The following MGAT4C variants were observed in gnomAD, a reference collection of about 807,000 sequenced individuals.
The protein encoded by MGAT4C is alpha-1,3-mannosyl-glycoprotein 4-beta-N-acetylglucosaminyltransferase C.
MGAT4C carries 19 observed loss-of-function variants against 40.1 expected under a neutral mutation model. The ratio of observed to expected loss-of-function variants is 0.47; its 90% CI spans 0.33 to 0.70. MGAT4C has a LOEUF of 0.70. MGAT4C is among the 30% of genes least tolerant of loss of function. MGAT4C has a pLI of 0.02. For synonymous variants in MGAT4C, 181 were observed against 187.1 expected, an observed-to-expected ratio of 0.97 and a Z score of 0.27; for missense variants, 491 against 563.2, an observed-to-expected ratio of 0.87 and a Z score of 1.30.
chr12:86,417,416 G>A (rs1956740551), intron 3 of MGAT4C, among the ~76,000 whole-genome samples: 1 of 152,012 alleles, frequency 6.6e-6, no homozygotes, highest in Admixed American at 6.6e-5. Context: ...CTGCTTAAAT[G>A]TTGAAAAATC....
At chr12:86,133,969 C>T (rs543228323) in intron 1 of MGAT4C, among the ~76,000 whole-genome samples, 3 of 152,070 alleles carry the variant, frequency 2.0e-5, no homozygotes, top group African/African-American at 4.8e-5. Flanking sequence ...CCTAATTTTA[C>T]GTCACTATAA....
upstream of MGAT4C, among the ~76,000 whole-genome samples, chr12:86,261,331 A>C (rs1328120149): frequency 6.6e-6 from 1 of 152,148 alleles, no homozygotes; most frequent in African/African-American, 2.4e-5. Context: ...GCTATGATGC[A>C]AACATGAATA....
chr12:86,660,223 G>T (rs1231650386), intron 2 of MGAT4C, among the ~76,000 whole-genome samples: 1 of 152,106 alleles, frequency 6.6e-6, no homozygotes, highest in African/African-American at 2.4e-5. Flanking sequence ...CATTAACAAA[G>T]TAGATTGACG....
intron 2 of MGAT4C, among the ~76,000 whole-genome samples, chr12:86,628,677 T>A (rs1298392386): frequency 1.3e-5 from 2 of 152,042 alleles, no homozygotes; most frequent in African/African-American, 4.8e-5. Context: ...AATAAAATCC[T>A]TTACAGACAA....
At position 86,103,849 on chromosome 12, in the gene MGAT4C, A is replaced by G. The variant is rs560738277; in HGVS notation, c.-56-54126T>C. Among the ~76,000 whole-genome samples, 3 of 152,222 alleles carry G rather than the reference A, an allele frequency of 2.0e-5. No homozygotes were observed. In the East Asian group the frequency reaches 5.8e-4, roughly 29 times the overall value. ...AAGATTCTTACATTATTCATCTTTCATTTATTGTTGCATCTCTAGAAGTTA... is the reference window on the plus strand; with the variant it reads ...AAGATTCTTACATTATTCATCTTTCGTTTATTGTTGCATCTCTAGAAGTTA... On this transcript the variant is annotated intron_variant, in intron 1 of 4. Transcript: ENST00000611864.
intron 1 of MGAT4C, among the ~76,000 whole-genome samples, chr12:86,806,938 T>C (rs755988554): frequency 5.8e-4 from 88 of 151,814 alleles, no homozygotes; most frequent in Non-Finnish European, 1.0e-3. Flanking sequence ...CATACCAACA[T>C]GGCACACGTA....
At chr12:86,437,061 G>C (rs1484952307) in intron 2 of MGAT4C, among the ~76,000 whole-genome samples, 1 of 151,578 alleles carries the variant, frequency 6.6e-6, no homozygotes, top group East Asian at 1.9e-4. Flanking sequence ...GAAAATTTTA[G>C]TGGCAGTGAG....
intron 2 of MGAT4C, among the ~76,000 whole-genome samples, chr12:86,597,303 T>C (rs1197216470): frequency 6.6e-6 from 1 of 152,122 alleles, no homozygotes; most frequent in Admixed American, 6.5e-5. Flanking sequence ...ATTCCCACCA[T>C]ATTAGCTCTT....
rs73387811 is a variant in MGAT4C at position 86,421,364 on chromosome 12, A to G, written c.-120+13793T>C. Among the ~76,000 whole-genome samples the G allele has an allele frequency of 3.2e-3, 492 of 152,298 alleles. 2 individuals carry two copies. Among genetic ancestry groups the G allele is most frequent in the African/African-American group, 0.012 (479 of 41,568 alleles). On this transcript the variant is annotated intron_variant, in intron 3 of 7. Transcript: ENST00000548651. The stretch of plus-strand genomic sequence containing the variant: ...CAAATTCATTATTCTTTACATATTG[A>G]TTGATTGAACTGAAGCTCATACCTT...
rs1271598308 is a variant in MGAT4C, at chr12:85,969,396, T to TTTGG, written c.*9889_*9892dup. 2 of 151,674 alleles carry TTTGG rather than the reference T, an allele frequency of 1.3e-5. No individual in the cohort carries two copies. Among genetic ancestry groups the TTTGG allele is most frequent in the Admixed American group, 6.6e-5 (1 of 15,184 alleles). The allele number at this position is 151,674 out of a possible 1,614,324, so 9.4% of individuals were successfully genotyped here. A position where few individuals can be genotyped will look rare whatever the true frequency, so the allele number is the denominator to read the frequency against. ...ACTGTCTAACTACCAGTTTGGTATG[T>TTTGG]TTGGGGCTGGTGTTATGAAAGACTA... On this transcript the variant is annotated 3_prime_UTR_variant, in exon 5 of 5. Coordinates refer to ENST00000611864, the MANE Select transcript of MGAT4C (RefSeq NM_001351288.2).
intron 2 of MGAT4C, among the ~76,000 whole-genome samples, chr12:86,678,472 A>G (rs1949909201): frequency 6.6e-6 from 1 of 151,422 alleles, no homozygotes; most frequent in African/African-American, 2.4e-5. Flanking sequence ...GTACATGTGC[A>G]CAATGTGCAG....
Position 86,066,426 on chromosome 12 carries a change from C to G in MGAT4C, c.-56-16703G>C, listed in dbSNP as rs151185239. Among the ~76,000 whole-genome samples the G allele has an allele frequency of 6.5e-3, 987 of 151,986 alleles. 8 individuals carry two copies. Among genetic ancestry groups the G allele is most frequent in the Non-Finnish European group, 8.9e-3 (608 of 67,970 alleles). On this transcript the variant is annotated intron_variant, in intron 1 of 4. Transcript: ENST00000611864. ...CACCACACATCTGCAACCATCTTAC[C>G]TTTGACAAACCTGAAAAAAAAAAGG...
At chr12:86,547,800 C>CTGTCT (rs1354449090) in intron 2 of MGAT4C, among the ~76,000 whole-genome samples, 1 of 152,070 alleles carries the variant, frequency 6.6e-6, no homozygotes, top group Non-Finnish European at 1.5e-5. Flanking sequence ...CAAAAAGAGA[C>CTGTCT]AGACAAACAT....
intron 2 of MGAT4C, among the ~76,000 whole-genome samples, chr12:86,663,430 G>T (rs747976690): frequency 5.5e-5 from 8 of 144,942 alleles, no homozygotes; most frequent in Non-Finnish European, 9.1e-5. Flanking sequence ...AAGAAAGAAA[G>T]AAATGAAGGG....
intron 2 of MGAT4C, among the ~76,000 whole-genome samples, chr12:86,525,608 GT>G (rs982730556): frequency 2.0e-5 from 3 of 152,082 alleles, no homozygotes; most frequent in Admixed American, 6.6e-5. Flanking sequence ...ACCTTTGCAT[GT>G]TTTTTTCTTT....
intron 2 of MGAT4C, among the ~76,000 whole-genome samples, chr12:86,496,047 C>T (rs1958228970): frequency 6.6e-6 from 1 of 151,692 alleles, no homozygotes; most frequent in Admixed American, 6.6e-5. Context: ...CTACCTCCTT[C>T]ACTACAGCAC....
intron 1 of MGAT4C, among the ~76,000 whole-genome samples, chr12:86,153,632 C>T (rs1487104409): frequency 6.6e-6 from 1 of 152,212 alleles, no homozygotes; most frequent in East Asian, 1.9e-4. Context: ...GAGGTTTACC[C>T]CATGCTGTTC....
chr12:86,625,925 TC>T (rs1472092293), intron 2 of MGAT4C, among the ~76,000 whole-genome samples: 1 of 151,978 alleles, frequency 6.6e-6, no homozygotes, highest in African/African-American at 2.4e-5. Context: ...ACCAAATGTC[TC>T]AATTAAGAGG....
chr12:86,758,552 C>T (rs545375601), intron 1 of MGAT4C, among the ~76,000 whole-genome samples: 52 of 151,928 alleles, frequency 3.4e-4, no homozygotes, highest in African/African-American at 1.2e-3. Flanking sequence ...AAAACTAAGG[C>T]ACAAAACACT....
Sources: gnomAD v4.1 joint callset for allele counts (sites outside exome capture counted in the v4.1 genomes callset) on GRCh38, gnomAD v4.1.1 for gene constraint, MANE v1.5 for transcripts, NCBI Gene and HGNC (gene_info 2026-07-23, HGNC 2026-07-21) for gene names.